DNER: variants seen among roughly 807,000 people sequenced by gnomAD.
The protein encoded by DNER is delta and Notch-like epidermal growth factor-related receptor.
DNER carries 33 observed loss-of-function variants against 78.2 expected under a neutral mutation model. The ratio of observed to expected loss-of-function variants is 0.42; its 90% CI spans 0.32 to 0.56. DNER has a LOEUF of 0.56. DNER is among the 20% of genes least tolerant of loss of function. DNER has a pLI of 0.11. For synonymous variants in DNER, 417 were observed against 384.8 expected, an observed-to-expected ratio of 1.08 and a Z score of -0.98; for missense variants, 918 against 975.3, an observed-to-expected ratio of 0.94 and a Z score of 0.78.
At chr2:229,687,169 C>T (rs532207911) in intron 1 of DNER, among the ~76,000 whole-genome samples, 1 of 152,216 alleles carries the variant, frequency 6.6e-6, no homozygotes, top group South Asian at 2.1e-4. Context: ...TAAACATTCT[C>T]CTATTAACTT....
chr2:229,430,544 T>C (rs1189471083), intron 8 of DNER, among the ~76,000 whole-genome samples: 1 of 152,128 alleles, frequency 6.6e-6, no homozygotes, highest in East Asian at 1.9e-4. Flanking sequence ...AGCCTACATC[T>C]TTCTCCCGTG....
chr2:229,653,441 C>T (rs1698855311), intron 1 of DNER, among the ~76,000 whole-genome samples: 2 of 152,182 alleles, frequency 1.3e-5, no homozygotes, highest in South Asian at 4.1e-4. Context: ...ACCCCCAAGC[C>T]ACTTGTCATA....
At chr2:229,692,727 C>T (rs1699599514) in intron 1 of DNER, among the ~76,000 whole-genome samples, 5 of 152,230 alleles carry the variant, frequency 3.3e-5, no homozygotes, top group Admixed American at 2.0e-4. Flanking sequence ...TAAAATGATG[C>T]AATGATTACA....
intron 1 of DNER, among the ~76,000 whole-genome samples, chr2:229,626,171 G>A (rs1304489468): frequency 1.3e-5 from 2 of 152,084 alleles, no homozygotes; most frequent in Non-Finnish European, 2.9e-5. Flanking sequence ...CGCCTGCCTC[G>A]GCCTCCCAAA....
chr2:229,579,742 G>A (rs1697360180), intron 4 of DNER, among the ~76,000 whole-genome samples: 1 of 151,652 alleles, frequency 6.6e-6, no homozygotes, highest in Non-Finnish European at 1.5e-5. Flanking sequence ...TTGCCTAAGA[G>A]TAATGGTATT....
Position 229,700,303 on chromosome 2 carries a change from T to TGTGTGTGTGTGA in DNER, c.276+13844_276+13845insTCACACACACAC, listed in dbSNP as rs1553554056. ...CAATATATGTGTGTGTGTGTGTGTG[T>TGTGTGTGTGTGA]GTGTGTGTGTGTGTGTATAGGGGTC... On this transcript the variant is annotated intron_variant, in intron 1 of 12. Transcript: ENST00000341772. Among the ~76,000 whole-genome samples the TGTGTGTGTGTGA allele has an allele frequency of 4.3e-3, 639 of 149,634 alleles. 8 individuals carry two copies. Among genetic ancestry groups the TGTGTGTGTGTGA allele is most frequent in the African/African-American group, 1.0e-2 (406 of 40,716 alleles).
At chr2:229,594,347 G>A (rs1234158643) in intron 1 of DNER, among the ~76,000 whole-genome samples, 3 of 152,216 alleles carry the variant, frequency 2.0e-5, no homozygotes, top group African/African-American at 7.2e-5. Context: ...CCAACACTTT[G>A]AGAGGCCAAG....
intron 1 of DNER, among the ~76,000 whole-genome samples, chr2:229,632,884 A>G (rs1056734125): frequency 6.6e-6 from 1 of 152,234 alleles, no homozygotes; most frequent in Non-Finnish European, 1.5e-5. Context: ...ACATGGGGAA[A>G]AGCTCAAGTT....
At chr2:229,398,904 G>C (rs1693206072) in intron 10 of DNER, among the ~76,000 whole-genome samples, 1 of 151,798 alleles carries the variant, frequency 6.6e-6, no homozygotes, top group South Asian at 2.1e-4. Flanking sequence ...CAGCAAACTA[G>C]GAATAGAGAG....
chr2:229,360,491 C>T (rs1692187361), intron 12 of DNER, among the ~76,000 whole-genome samples: 1 of 152,128 alleles, frequency 6.6e-6, no homozygotes, highest in Non-Finnish European at 1.5e-5. Flanking sequence ...GCTCACGCGG[C>T]AAGCTCCACC....
chr2:229,673,799 A>C (rs1559204383), intron 1 of DNER, among the ~76,000 whole-genome samples: 2 of 152,210 alleles, frequency 1.3e-5, no homozygotes, highest in Non-Finnish European at 2.9e-5. Context: ...TTGCTCCTCC[A>C]GAGTCAGTCT....
intron 1 of DNER, among the ~76,000 whole-genome samples, chr2:229,650,115 C>T (rs546789493): frequency 1.2e-3 from 183 of 151,234 alleles, no homozygotes; most frequent in African/African-American, 3.0e-3. Flanking sequence ...GAATCATTAG[C>T]TGAACTCCCA....
chr2:229,501,162 A>G (rs1334818537), intron 6 of DNER, among the ~76,000 whole-genome samples: 1 of 152,032 alleles, frequency 6.6e-6, no homozygotes, highest in South Asian at 2.1e-4. Flanking sequence ...GAGAGATTTA[A>G]AAGAGTACCT....
intron 4 of DNER, chr2:229,580,472 T>C (rs1697372465): frequency 6.6e-6 from 1 of 152,082 alleles, no homozygotes; most frequent in South Asian, 2.1e-4. Context: ...TAAGAAAGGA[T>C]GGTACAAATG....
rs115457778 is a variant in DNER, at chr2:229,452,243, T to A, written c.1262-4703A>T. Among the ~76,000 whole-genome samples, 1,471 of 152,280 alleles carry A rather than the reference T, an allele frequency of 9.7e-3. 37 individuals carry two copies. Among genetic ancestry groups the A allele is most frequent in the African/African-American group, 0.034 (1,398 of 41,548 alleles). ...AATAATTGAGGTTGTGAAGGCCAATTTGTAGCAATAAACATAAAGAATGTG... is the reference window on the plus strand; with the variant it reads ...AATAATTGAGGTTGTGAAGGCCAATATGTAGCAATAAACATAAAGAATGTG... On this transcript the variant is annotated intron_variant, in intron 7 of 12. Transcript: ENST00000341772.
chr2:229,561,002 T>C (rs755055619), intron 4 of DNER, among the ~76,000 whole-genome samples: 8 of 152,184 alleles, frequency 5.3e-5, no homozygotes, highest in Non-Finnish European at 1.2e-4. Context: ...TGTAGAGTAT[T>C]CTCACCTTTT....
At chr2:229,515,073 A>G (rs1182448212) in intron 5 of DNER, among the ~76,000 whole-genome samples, 1 of 152,160 alleles carries the variant, frequency 6.6e-6, no homozygotes, top group African/African-American at 2.4e-5. Flanking sequence ...TCTGCCTTCT[A>G]TTTCTATCAC....
chr2:229,399,349 C>T (rs539091048), intron 10 of DNER, among the ~76,000 whole-genome samples: 1 of 151,608 alleles, frequency 6.6e-6, no homozygotes, highest in South Asian at 2.1e-4. Flanking sequence ...TACTTGGATA[C>T]TTGGATATAC....
intron 8 of DNER, among the ~76,000 whole-genome samples, chr2:229,441,072 CAT>C (rs199855522): frequency 0.033 from 4,964 of 152,246 alleles, 259 homozygotes; most frequent in African/African-American, 0.11. Context: ...ATTCTCCCCA[CAT>C]GTGTCCCCAT....
Sources: allele counts gnomAD v4.1 joint callset (sites outside exome capture counted in the v4.1 genomes callset), GRCh38; gene constraint gnomAD v4.1.1; transcripts MANE v1.5; gene names NCBI Gene and HGNC (gene_info 2026-07-23, HGNC 2026-07-21).